Variants in ZCCHC9 observed in about 807,000 individuals in gnomAD.
ZCCHC9 encodes the protein zinc finger CCHC-type containing 9.
A neutral mutation model predicts 30.8 loss-of-function variants in ZCCHC9; 18 were observed. That is an observed-to-expected ratio of 0.58 (90% CI 0.40 to 0.87). The LOEUF (loss-of-function observed/expected upper bound fraction) is 0.87. Among genes scored for constraint, ZCCHC9 ranks in the 40% least tolerant of loss-of-function variants. The pLI is 0.00. For synonymous variants in ZCCHC9, 94 were observed against 106.7 expected, an observed-to-expected ratio of 0.88 and a Z score of 0.73; for missense variants, 279 against 331.2, an observed-to-expected ratio of 0.84 and a Z score of 1.22.
intron 1 of ZCCHC9, chr5:81,302,146 T>C (rs779495132): frequency 2.0e-5 from 3 of 152,490 alleles, no homozygotes; most frequent in Non-Finnish European, 4.4e-5. Flanking sequence ...GAGCTGAGAC[T>C]TGGGGGGTTG....
chr5:81,302,909 C>G (rs1264843174), intron 1 of ZCCHC9: 2 of 151,250 alleles, frequency 1.3e-5, no homozygotes, highest in Non-Finnish European at 2.9e-5. Context: ...TATGCTTAGT[C>G]TAAGTTTATT....
At chr5:81,308,022 A>AAAAATCTATCT (rs34237879) in intron 2 of ZCCHC9, among the ~76,000 whole-genome samples, 23 of 68,310 alleles carry the variant, frequency 3.4e-4, no homozygotes, top group Admixed American at 4.8e-4. Context: ...AAAAAAAAAA[A>AAAAATCTATCT]ATCTATCTAT....
At chr5:81,302,441 A>G (rs77027207) in intron 1 of ZCCHC9, 4,462 of 152,358 alleles carry the variant, frequency 0.029, 197 homozygotes, top group African/African-American at 0.09. Context: ...ACTGCACTCC[A>G]GGTTGGGCTA....
intron 3 of ZCCHC9, 90 bp downstream of exon 3, chr5:81,308,801 T>C: frequency 6.7e-7 from 1 of 1,497,174 alleles, no homozygotes; most frequent in Non-Finnish European, 9.0e-7. Flanking sequence ...TTGTTACGAG[T>C]GTGCCACTTA....
chr5:81,310,624 T>C (rs147917625), intron 4 of ZCCHC9, among the ~76,000 whole-genome samples: 2,693 of 152,302 alleles, frequency 0.018, 41 homozygotes, highest in Admixed American at 0.019. Flanking sequence ...AGAAACCACA[T>C]GTGTTGTAAT....
intron 4 of ZCCHC9, 138 bp from the exon 5 acceptor site, chr5:81,311,073 A>G (rs1287319837): frequency 1.0e-5 from 8 of 800,052 alleles, no homozygotes; most frequent in Admixed American, 6.1e-5. Context: ...GAATAGTGGC[A>G]CCTCCCTATG....
chr5:81,309,234 C>A, intron 4 of ZCCHC9, 196 bp downstream of exon 4: 1 of 446,376 alleles, frequency 2.2e-6, no homozygotes, highest in African/African-American at 2.0e-5. Flanking sequence ...TAAAACAAAT[C>A]AGAAAAAACT....
chr5:81,302,824 G>A (rs2112865809), intron 1 of ZCCHC9: 1 of 152,312 alleles, frequency 6.6e-6, no homozygotes, highest in East Asian at 1.9e-4. Context: ...GAGTCAGTGA[G>A]TGGTATGTGA....
In ZCCHC9 at chr5:81,304,828, T is replaced by C; in HGVS notation, c.71T>C (p.Met24Thr). 1 of 1,613,870 alleles carries C rather than the reference T, an allele frequency of 6.2e-7. No homozygotes were observed. The highest frequency in any genetic ancestry group is 8.5e-7 in the Non-Finnish European group (1 of 1,179,992). Residue 24 changes from methionine to threonine, a missense_variant, in exon 2 of 6, where the codon ATG becomes ACG. Transcript: ENST00000407610. ...TTGCCTGCAACATCATGGGAGGACA[T>C]GAAGAAGGGATCCTTTGAGGGAACA... ...RPLPATSWED[M>T]KKGSFEGTSQ...
intron 4 of ZCCHC9, 97 bp from the exon 5 acceptor site, chr5:81,311,114 G>T: frequency 8.3e-7 from 1 of 1,211,536 alleles, no homozygotes; most frequent in South Asian, 1.2e-5. Flanking sequence ...ACAACTGACA[G>T]GGTTGTGAGG....
chr5:81,312,611 ACCTAAAC>A lies in ZCCHC9; in HGVS notation c.767_773del (p.Pro256ArgfsTer18). 6.2e-7 allele frequency: 1 copy of A among 1,614,002 alleles called. No homozygotes were observed. The highest frequency in any genetic ancestry group is 8.5e-7 in the Non-Finnish European group (1 of 1,179,868). On this transcript the variant is annotated frameshift_variant, in exon 6 of 6. Transcript: ENST00000407610. LOFTEE classifies it high-confidence loss of function. ...CAGACTATGAAGAAATTTTGGATGT[ACCTAAAC>A]CGCAAAAACCCAAAACAAAAATACC... is the stretch of plus-strand genomic sequence containing the variant.
rs1192654448 is a variant in ZCCHC9, at chr5:81,308,680, C to A, written c.504C>A (p.Thr168=). The part of the protein sequence containing the change: ...YRCGSTEHEI[T]KCKAKVDPAL... ...GTGGGTCCACAGAGCACGAAATAACCAAGTGTAAGGCTAAAGTAGACCCGG... is the reference window on the plus strand; with the variant it reads ...GTGGGTCCACAGAGCACGAAATAACAAAGTGTAAGGCTAAAGTAGACCCGG... Residue 168 remains threonine, a synonymous_variant, in exon 3 of 6, where the codon ACC becomes ACA. Coordinates refer to ENST00000407610, the MANE Select transcript of ZCCHC9 (RefSeq NM_001131035.2). 1.2e-6 allele frequency: 2 copies of A among 1,613,000 alleles called. No homozygotes were observed. The highest frequency in any genetic ancestry group is 2.7e-5 in the African/African-American group (2 of 74,978).
chr5:81,305,237 A>G (rs1580491216), intron 2 of ZCCHC9, 96 bp downstream of exon 2: 1 of 1,460,672 alleles, frequency 6.8e-7, no homozygotes, highest in Non-Finnish European at 9.1e-7. Flanking sequence ...TCTGGTTACC[A>G]TTATGTCCCA....
At chr5:81,309,702 G>T (rs563944728) in intron 4 of ZCCHC9, among the ~76,000 whole-genome samples, 6 of 152,124 alleles carry the variant, frequency 3.9e-5, no homozygotes, top group African/African-American at 1.4e-4. Flanking sequence ...GGGTTACAGC[G>T]CCAGCACTGC....
chr5:81,308,546 G>A lies in ZCCHC9; in HGVS notation c.385-15G>A, dbSNP rs376929872. ...ATAGTTTTGCAGCGTGCCAACCTACGTTTTGTTTTCCTAGGTGTGTTTCCA... is the reference window on the plus strand; with the variant it reads ...ATAGTTTTGCAGCGTGCCAACCTACATTTTGTTTTCCTAGGTGTGTTTCCA... On this transcript the variant is annotated splice_polypyrimidine_tract_variant and intron_variant, in intron 2 of 5. Coordinates refer to ENST00000407610, the MANE Select transcript of ZCCHC9 (RefSeq NM_001131035.2). 23 of 1,601,330 alleles carry A rather than the reference G, an allele frequency of 1.4e-5. No homozygotes were observed. The highest frequency in any genetic ancestry group is 4.5e-5 in the South Asian group (4 of 89,040).
At chr5:81,307,994 CAAAAAAAAAAAAAA>C (rs11322486) in intron 2 of ZCCHC9, among the ~76,000 whole-genome samples, 5 of 30,300 alleles carry the variant, frequency 1.7e-4, no homozygotes, top group African/African-American at 4.1e-4. Context: ...GACTCCGTCT[CAAAAAAAAAAAAAA>C]AAAAAAAAAA....
chr5:81,304,032 A>C (rs530488051), intron 1 of ZCCHC9: 2 of 152,366 alleles, frequency 1.3e-5, no homozygotes, highest in South Asian at 2.1e-4. Context: ...TTATTTCTGA[A>C]TATTAAAGCA....
intron 1 of ZCCHC9, chr5:81,303,008 T>C (rs909944921): frequency 1.3e-5 from 2 of 151,790 alleles, no homozygotes; most frequent in African/African-American, 4.8e-5. Flanking sequence ...TTTTTTTTTT[T>C]TTTTGAGACG....
At chr5:81,303,929 A>G (rs1007818150) in intron 1 of ZCCHC9, 3 of 152,236 alleles carry the variant, frequency 2.0e-5, no homozygotes, top group Admixed American at 2.0e-4. Context: ...GGTAGTATGT[A>G]AGTGACCAAA....
Sources: allele counts gnomAD v4.1 joint callset (sites outside exome capture counted in the v4.1 genomes callset), GRCh38; gene constraint gnomAD v4.1.1; transcripts MANE v1.5; gene names NCBI Gene and HGNC (gene_info 2026-07-23, HGNC 2026-07-21).